GOLM1: variants seen among roughly 807,000 people sequenced by gnomAD.
GOLM1 encodes golgi membrane protein 1.
In GOLM1, 31 loss-of-function variants were observed where a neutral mutation model predicts 50.5. The ratio of observed to expected loss-of-function variants is 0.61; its 90% CI spans 0.46 to 0.83. The LOEUF (loss-of-function observed/expected upper bound fraction) is 0.83. GOLM1 is among the 40% of genes least tolerant of loss of function. The pLI is 0.00. For synonymous variants in GOLM1, 178 were observed against 192.8 expected (o/e 0.92, Z 0.64); for missense variants, 491 against 501.3 (o/e 0.98, Z 0.20).
chr9:86,028,372 C>T (rs1006256265), intron 9 of GOLM1, among the ~76,000 whole-genome samples: 2 of 152,204 alleles, frequency 1.3e-5, no homozygotes, highest in Non-Finnish European at 1.5e-5. Flanking sequence ...AAGGGAAATT[C>T]GGCCAAGGAC....
chr9:86,079,526 G>A (rs1834724593), intron 1 of GOLM1, among the ~76,000 whole-genome samples, 185 bp from the exon 2 acceptor site: 1 of 152,158 alleles, frequency 6.6e-6, no homozygotes. Context: ...AGCCCATGGT[G>A]CTGTGAACCC....
chr9:86,035,891 AAAAAAC>A, intron 7 of GOLM1, among the ~76,000 whole-genome samples: 1 of 150,290 alleles, frequency 6.7e-6, no homozygotes, highest in African/African-American at 2.5e-5. Flanking sequence ...AACAAAAAAA[AAAAAAC>A]ACCTGGACTA....
At position 86,035,624 on chromosome 9, in the gene GOLM1, C is replaced by T; in HGVS notation, c.759G>A (p.Glu253=). 6.3e-7 allele frequency: 1 copy of T among 1,591,474 alleles called. No individual in the cohort carries two copies. Among genetic ancestry groups the T allele is most frequent in the Non-Finnish European group, 8.5e-7 (1 of 1,172,786 alleles). Residue 253 remains glutamate (E), a splice_region_variant and synonymous_variant, in exon 8 of 10, where the codon GAG becomes GAA. Coordinates refer to ENST00000388712, the MANE Select transcript of GOLM1 (RefSeq NM_016548.4). ...VLDSKRQVEK[E]ETNEIQVVNE... Reference sequence around the variant, plus strand: ...TCACCACCTGGATCTCATTGGTTTCCTCTGTGCACAGAACACAGTTAGCTG... The same window carrying T: ...TCACCACCTGGATCTCATTGGTTTCTTCTGTGCACAGAACACAGTTAGCTG...
intron 3 of GOLM1, among the ~76,000 whole-genome samples, chr9:86,052,975 C>T (rs1833810233): frequency 6.6e-6 from 1 of 151,500 alleles, no homozygotes; most frequent in Admixed American, 6.6e-5. Context: ...CACTCCACAC[C>T]AAACCACACC....
At chr9:86,055,302 G>T (rs903993457) in intron 3 of GOLM1, among the ~76,000 whole-genome samples, 2 of 152,040 alleles carry the variant, frequency 1.3e-5, no homozygotes, top group African/African-American at 2.4e-5. Flanking sequence ...ATTTTGCGGG[G>T]AGAGAGACTA....
At chr9:86,031,154 G>A (rs1461704041) in intron 9 of GOLM1, among the ~76,000 whole-genome samples, 2 of 151,920 alleles carry the variant, frequency 1.3e-5, no homozygotes, top group African/African-American at 4.8e-5. Flanking sequence ...AGGTTGCAGT[G>A]AGCCGAGATC....
chr9:86,031,977 T>C (rs1279923250), intron 9 of GOLM1, among the ~76,000 whole-genome samples: 1 of 138,768 alleles, frequency 7.2e-6, no homozygotes, highest in Non-Finnish European at 1.5e-5. Flanking sequence ...TGCCTCCCGA[T>C]GAAAGAACCA....
chr9:86,033,858 G>T (rs1418597206), intron 8 of GOLM1, among the ~76,000 whole-genome samples: 2 of 152,116 alleles, frequency 1.3e-5, no homozygotes, highest in Non-Finnish European at 2.9e-5. Context: ...ATTCTTCCCT[G>T]GAGTGGGCAG....
In GOLM1 at chr9:86,035,412, A is replaced by T; in HGVS notation, c.971T>A (p.Val324Asp). 6.2e-7 allele frequency: 1 copy of T among 1,613,932 alleles called. No individual in the cohort carries two copies. The highest frequency in any genetic ancestry group is 8.5e-7 in the Non-Finnish European group (1 of 1,179,968). ...CTCCTCCTCCTGTCCGTCGGGGATG[A>T]CAAGCTGGTCTCGCTCAGGGCCCTC... ...EMEGPERDQL[V>D]IPDGQEEEQE... is the part of the protein sequence containing the mutation. Residue 324 changes from valine to aspartate, a missense_variant, in exon 8 of 10, where the codon GTC becomes GAC. Physicochemically the swap from Val to Asp is radical, Grantham distance 152 (BLOSUM62 -3). Transcript: ENST00000388712.
Position 86,027,864 on chromosome 9 carries a change from T to C in GOLM1, c.1159A>G (p.Thr387Ala). ...VFNVEDQKRDTINLLDQREKR... is the reference protein window; with the variant it reads ...VFNVEDQKRDAINLLDQREKR... ...TCACGCTGATCAAGTAAATTTATGG[T>C]GTCTCTTTTCTGATCTTCAACATTA... is the stretch of plus-strand genomic sequence containing the variant. The change falls in exon 10 of 10, where the codon ACC becomes GCC. Residue 387 changes from threonine to alanine, a missense_variant. Thr to Ala is a moderately conservative substitution (Grantham distance 58). Coordinates refer to ENST00000388712, the MANE Select transcript of GOLM1 (RefSeq NM_016548.4). 6.2e-7 allele frequency: 1 copy of C among 1,609,626 alleles called. No individual in the cohort carries two copies. Among genetic ancestry groups the C allele is most frequent in the Non-Finnish European group, 8.5e-7 (1 of 1,175,996 alleles).
At chr9:86,077,797 G>A (rs1238219821) in intron 2 of GOLM1, 1 of 546,066 alleles carries the variant, frequency 1.8e-6, no homozygotes, top group Non-Finnish European at 3.3e-6. Flanking sequence ...TGTAAGTGAA[G>A]GAAGGCTCTG....
Position 86,092,744 on chromosome 9 carries a change from T to G in GOLM1, c.-22+6667A>C, listed in dbSNP as rs534937606. Among the ~76,000 whole-genome samples, 42 of 152,282 alleles carry G rather than the reference T, an allele frequency of 2.8e-4. No individual in the cohort carries two copies. In the South Asian group the frequency reaches 8.5e-3, roughly 31 times the overall value. ...TGTAGAAACCCTTGCTGCTGAAGGA[T>G]AAGGGACACACACTGGCGAGAAATG... On this transcript the variant is annotated intron_variant, in intron 1 of 9. Transcript: ENST00000388712.
In GOLM1 at chr9:86,035,487, G is replaced by T. The variant is rs200491304; in HGVS notation, c.896C>A (p.Thr299Asn). The T allele has an allele frequency of 1.9e-6, 3 of 1,613,366 alleles. No homozygotes were observed. Among genetic ancestry groups the T allele is most frequent in the Non-Finnish European group, 1.7e-6 (2 of 1,179,988 alleles). ...TGACAGGGCAGCCTGCACCTGTGGG[G>T]TCTGGCCCAGTTCTCCGGCTCCCCC... Reference protein sequence around the residue: ...GFGGAGELGQTPQVQAALSVS... With the variant: ...GFGGAGELGQNPQVQAALSVS... The change falls in exon 8 of 10, where the codon ACC becomes AAC. Residue 299 changes from threonine to asparagine, a missense_variant. Physicochemically the swap from Thr to Asn is moderately conservative, Grantham distance 65 (BLOSUM62 0). Transcript: ENST00000388712.
chr9:86,037,589 T>G (rs1481576249), intron 6 of GOLM1, among the ~76,000 whole-genome samples: 1 of 152,216 alleles, frequency 6.6e-6, no homozygotes, highest in Non-Finnish European at 1.5e-5. Flanking sequence ...GTTCCTCACG[T>G]GAGAAGCTTA....
chr9:86,046,303 C>T (rs1833537945), intron 5 of GOLM1, among the ~76,000 whole-genome samples, 167 bp downstream of exon 5: 1 of 152,194 alleles, frequency 6.6e-6, no homozygotes, highest in Non-Finnish European at 1.5e-5. Context: ...AGCTGGCCTC[C>T]TTGTGCATTT....
At chr9:86,087,342 T>A (rs923576020) in intron 1 of GOLM1, among the ~76,000 whole-genome samples, 1 of 152,218 alleles carries the variant, frequency 6.6e-6, no homozygotes, top group Non-Finnish European at 1.5e-5. Flanking sequence ...AAGGAGATTT[T>A]AGGCTGAGAC....
Position 86,041,139 on chromosome 9 carries a change from T to A in GOLM1, c.468-271A>T, listed in dbSNP as rs75268958. On this transcript the variant is annotated intron_variant, in intron 5 of 9. Coordinates refer to ENST00000388712, the MANE Select transcript of GOLM1 (RefSeq NM_016548.4). ...TTTTAACATACAATCTGTAGAATAA[T>A]AAAAAAAATATGTATTGGTCTTTGT... is the stretch of plus-strand genomic sequence containing the variant. Among the ~76,000 whole-genome samples the A allele has an allele frequency of 3.0e-4, 46 of 151,918 alleles. No homozygotes were observed. The East Asian group carries it at 3.9e-3, about 13-fold the overall frequency.
intron 8 of GOLM1, 133 bp from the exon 9 acceptor site, chr9:86,033,528 T>A: frequency 1.6e-6 from 1 of 636,276 alleles, no homozygotes; most frequent in Non-Finnish European, 2.8e-6. Flanking sequence ...CTGGAAATGG[T>A]AGGGACGCAA....
At chr9:86,049,106 T>C (rs551332025) in intron 4 of GOLM1, among the ~76,000 whole-genome samples, 1 of 152,356 alleles carries the variant, frequency 6.6e-6, no homozygotes, top group South Asian at 2.1e-4. Flanking sequence ...TAGCCAGTTT[T>C]CCCAGCACCA....
Sources: allele counts gnomAD v4.1 joint callset (sites outside exome capture counted in the v4.1 genomes callset), GRCh38; gene constraint gnomAD v4.1.1; transcripts MANE v1.5; gene names NCBI Gene and HGNC (gene_info 2026-07-23, HGNC 2026-07-21).